ST7L: variants seen among roughly 807,000 people sequenced by gnomAD.
ST7L encodes suppressor of tumorigenicity 7 protein-like.
In ST7L, 57 loss-of-function variants were observed where a neutral mutation model predicts 72.5. That is an observed-to-expected ratio of 0.79 (90% CI 0.64 to 0.98). The LOEUF (loss-of-function observed/expected upper bound fraction) is 0.98, where lower values mean the gene tolerates loss of function less well. Among genes scored for constraint, ST7L ranks in the 50% least tolerant of loss-of-function variants. The pLI is 0.00. For missense variants in ST7L, 576 were observed against 672.2 expected (o/e 0.86, Z 1.58); for synonymous variants, 221 against 240.9 (o/e 0.92, Z 0.77).
At chr1:112,546,912 G>A (rs764889800) in intron 13 of ST7L, among the ~76,000 whole-genome samples, 1 of 151,600 alleles carries the variant, frequency 6.6e-6, no homozygotes, top group Non-Finnish European at 1.5e-5. Flanking sequence ...ATGTATATGT[G>A]TTAAGTAGAT....
In ST7L at chr1:112,598,055, T is replaced by C; in HGVS notation, c.538A>G (p.Thr180Ala). ...YTWVTGKEPLTYYDMNLSAQD... is the reference protein window; with the variant it reads ...YTWVTGKEPLAYYDMNLSAQD... ...GCTGACAGGTTCATGTCATAGTATG[T>C]AAGTGGCTCTTTACCAGTCACCCAA... The change falls in exon 5 of 15, where the codon ACA (threonine) becomes GCA (alanine). Residue 180 changes from threonine (T) to alanine (A), a missense_variant. By Grantham distance (58) the Thr-to-Ala change is moderately conservative. This residue lies in a region of ST7L where 511 missense variants were observed against 600.7 expected (regional missense o/e 0.85). Coordinates refer to ENST00000358039, the MANE Select transcript of ST7L (RefSeq NM_017744.5). 1 of 1,613,118 alleles carries C rather than the reference T, an allele frequency of 6.2e-7. No individual in the cohort carries two copies. The highest frequency in any genetic ancestry group is 1.1e-5 in the South Asian group (1 of 90,850).
At chr1:112,578,513 T>A in intron 9 of ST7L, 96 bp from the exon 10 acceptor site, 1 of 1,097,622 alleles carries the variant, frequency 9.1e-7, no homozygotes. Flanking sequence ...TGGTGGCTCA[T>A]GCCTATAATC....
At chr1:112,547,718 A>G (rs796848616) in intron 13 of ST7L, among the ~76,000 whole-genome samples, 2 of 148,996 alleles carry the variant, frequency 1.3e-5, no homozygotes, top group African/African-American at 4.9e-5. Flanking sequence ...ATGTGCCACC[A>G]TGCCGGGCTA....
At chr1:112,539,233 AGCTCCTGGGTGATGGTGAT>A (rs1655698284) in intron 14 of ST7L, 1 of 152,192 alleles carries the variant, frequency 6.6e-6, no homozygotes, top group East Asian at 1.9e-4. Flanking sequence ...ATTTTTCATG[AGCTCCTGGGTGATGGTGAT>A]GCTCCTACTG....
In ST7L at chr1:112,584,049, G is replaced by A. The variant is rs937591445; in HGVS notation, c.779C>T (p.Ala260Val). 1.6e-5 allele frequency: 26 copies of A among 1,613,992 alleles called. No homozygotes were observed. Among genetic ancestry groups the A allele is most frequent in the Non-Finnish European group, 2.1e-5 (25 of 1,180,024 alleles). Reference sequence around the variant, plus strand: ...ATAAATTGTTTCTCCTGCCTTGAGTGCCTGTTTAAATAACCTTTCAGCATC... The same window carrying A: ...ATAAATTGTTTCTCCTGCCTTGAGTACCTGTTTAAATAACCTTTCAGCATC... ...IVDAERLFKQ[A>V]LKAGETIYRQ... is the part of the protein sequence containing the mutation. Residue 260 changes from alanine to valine, a missense_variant, in exon 7 of 15, where the codon GCA becomes GTA. Physicochemically the swap from Ala to Val is moderately conservative, Grantham distance 64. Coordinates refer to ENST00000358039, the MANE Select transcript of ST7L (RefSeq NM_017744.5).
Position 112,578,434 on chromosome 1 carries a change from C to T in ST7L, c.1070-17G>A. ...GGCTTATATCTGTAACGATAATTTT[C>T]AATTTAGGTAGGAATTACAAAAAAG... On this transcript the variant is annotated splice_polypyrimidine_tract_variant and intron_variant, in intron 9 of 14. Coordinates refer to ENST00000358039, the MANE Select transcript of ST7L (RefSeq NM_017744.5). The T allele has an allele frequency of 6.2e-7, 1 of 1,611,414 alleles. No individual in the cohort carries two copies. The highest frequency in any genetic ancestry group is 8.5e-7 in the Non-Finnish European group (1 of 1,177,716).
At chr1:112,584,224 C>T (rs1026414837) in intron 6 of ST7L, 98 bp from the exon 7 acceptor site, 3 of 1,225,702 alleles carry the variant, frequency 2.4e-6, no homozygotes, top group South Asian at 3.7e-5. Flanking sequence ...TCCTTACCTA[C>T]ACTTTTTCCA....
chr1:112,616,586 T>C (rs1669912893), intron 2 of ST7L, among the ~76,000 whole-genome samples: 1 of 151,740 alleles, frequency 6.6e-6, no homozygotes, highest in Non-Finnish European at 1.5e-5. Context: ...CTACTAAAAA[T>C]ACAAAAATTA....
At chr1:112,552,467 C>T (rs886217531) in intron 12 of ST7L, among the ~76,000 whole-genome samples, 5 of 152,172 alleles carry the variant, frequency 3.3e-5, no homozygotes, top group Admixed American at 1.3e-4. Flanking sequence ...TACAATGGTG[C>T]GATCTCGGCT....
chr1:112,567,514 A>G (rs1382574956), intron 11 of ST7L, among the ~76,000 whole-genome samples: 4 of 152,108 alleles, frequency 2.6e-5, no homozygotes, highest in Non-Finnish European at 5.9e-5. Flanking sequence ...TGTCCTAGGA[A>G]ATCTTTCTTT....
intron 2 of ST7L, among the ~76,000 whole-genome samples, chr1:112,612,415 A>G (rs896559777): frequency 6.6e-6 from 1 of 152,138 alleles, no homozygotes; most frequent in Non-Finnish European, 1.5e-5. Flanking sequence ...AATATTTTTG[A>G]AAACTATTTT....
intron 7 of ST7L, 105 bp from the exon 8 acceptor site, chr1:112,582,577 A>G (rs1664295807): frequency 3.5e-6 from 2 of 578,208 alleles, no homozygotes. Flanking sequence ...GGAAGAGTCA[A>G]TTAAAATTAA....
chr1:112,564,817 CAAAAA>C (rs780771291), intron 11 of ST7L, among the ~76,000 whole-genome samples: 2,252 of 43,094 alleles, frequency 0.052, 59 homozygotes, highest in African/African-American at 0.13. Flanking sequence ...AACTGCATCT[CAAAAA>C]AAAAAAAAAA....
At chr1:112,582,638 T>C (rs1664303002) in intron 7 of ST7L, among the ~76,000 whole-genome samples, 166 bp from the exon 8 acceptor site, 1 of 152,166 alleles carries the variant, frequency 6.6e-6, no homozygotes, top group Non-Finnish European at 1.5e-5. Flanking sequence ...GGATGATAAA[T>C]ATTGAACAGG....
chr1:112,579,316 C>T (rs143287206), intron 9 of ST7L, among the ~76,000 whole-genome samples: 7,445 of 147,808 alleles, frequency 0.05, 251 homozygotes, highest in East Asian at 0.091. Context: ...CCTGGAAGGC[C>T]GAGGTTGCAG....
chr1:112,588,397 C>G (rs563079093), intron 6 of ST7L, among the ~76,000 whole-genome samples: 92 of 152,322 alleles, frequency 6.0e-4, no homozygotes, highest in African/African-American at 2.1e-3. Context: ...TTCAATCTTT[C>G]ATCAGTAAGT....
At chr1:112,549,051 T>C (rs1657639702) in intron 13 of ST7L, among the ~76,000 whole-genome samples, 1 of 151,900 alleles carries the variant, frequency 6.6e-6, no homozygotes, top group Non-Finnish European at 1.5e-5. Flanking sequence ...GGGATTTTGA[T>C]AGCGATTGTA....
Position 112,543,139 on chromosome 1 carries a change from A to C in ST7L, c.1490-1049T>G, listed in dbSNP as rs116515823. ...ATTATTGTTCTTTGGGAGCTCAAAG[A>C]CTAGTATGGAGAAAGAGGCAGACAT... On this transcript the variant is annotated intron_variant, in intron 13 of 14. Coordinates refer to ENST00000358039, the MANE Select transcript of ST7L (RefSeq NM_017744.5). 9.7e-3 allele frequency among the ~76,000 whole-genome samples: 1,479 copies of C among 152,236 alleles called. 28 individuals are homozygous for C. The highest frequency in any genetic ancestry group is 0.033 in the African/African-American group (1,367 of 41,534).
At chr1:112,547,597 GTCT>G (rs1657353162) in intron 13 of ST7L, among the ~76,000 whole-genome samples, 1 of 105,194 alleles carries the variant, frequency 9.5e-6, no homozygotes, top group African/African-American at 3.7e-5. Context: ...TGGAGACAGA[GTCT>G]TACTCTGTTG....
Sources: allele counts gnomAD v4.1 joint callset (sites outside exome capture counted in the v4.1 genomes callset), GRCh38; gene constraint gnomAD v4.1.1; regional missense constraint gnomAD v4.1.1; transcripts MANE v1.5; gene names NCBI Gene and HGNC (gene_info 2026-07-23, HGNC 2026-07-21).